Variants in TNR observed in about 807,000 individuals in gnomAD.
The protein encoded by TNR is tenascin R.
Under a neutral mutation model 150.4 loss-of-function variants are expected in TNR, and 45 were observed. The observed-to-expected ratio is 0.30, with a 90% CI of 0.24 to 0.38. The LOEUF (loss-of-function observed/expected upper bound fraction) is 0.38, where lower values mean the gene tolerates loss of function less well. Ranked by LOEUF, TNR falls within the 10% of genes least tolerant of loss-of-function variation. The pLI is 1.00. For missense variants in TNR, 1,544 were observed against 1,759.1 expected, an observed-to-expected ratio of 0.88 and a Z score of 2.19; for synonymous variants, 687 against 678.4, an observed-to-expected ratio of 1.01 and a Z score of -0.20.
intron 2 of TNR, among the ~76,000 whole-genome samples, chr1:175,444,913 G>C (rs1655969897): frequency 6.6e-6 from 1 of 152,192 alleles, no homozygotes; most frequent in South Asian, 2.1e-4. Flanking sequence ...CCCTGAGTGG[G>C]GAGCGAATCT....
At chr1:175,410,170 C>T (rs147182031) in intron 2 of TNR, among the ~76,000 whole-genome samples, 37 of 152,184 alleles carry the variant, frequency 2.4e-4, no homozygotes, top group African/African-American at 8.4e-4. Context: ...AGGCAGGGGC[C>T]GGCCTGGTGA....
chr1:175,701,960 C>T (rs990119879), intron 1 of TNR, among the ~76,000 whole-genome samples: 1 of 152,124 alleles, frequency 6.6e-6, no homozygotes, highest in East Asian at 1.9e-4. Context: ...ATTTGGCAGT[C>T]GATTTATAGT....
At chr1:175,361,921 T>C (rs1651608333) in intron 14 of TNR, among the ~76,000 whole-genome samples, 2 of 152,222 alleles carry the variant, frequency 1.3e-5, no homozygotes, top group Non-Finnish European at 2.9e-5. Context: ...TCAGCCCCAT[T>C]GCGTGGGCTT....
rs1648969134 is a variant in TNR at position 175,320,305 on chromosome 1, TG to T, written c.*3051del. On this transcript the variant is annotated 3_prime_UTR_variant, in exon 23 of 23. Transcript: ENST00000367674. ...ATTGAGTCAAGTTGACCATAGACCT[TG>T]GGATGAGAGTGGGGCACAGTGTCTT... The T allele has an allele frequency of 6.6e-6, 1 of 152,238 alleles. No individual in the cohort carries two copies. Among genetic ancestry groups the T allele is most frequent in the Non-Finnish European group, 1.5e-5 (1 of 68,022 alleles). The allele number at this position is 152,238 out of a possible 1,614,324, so 9.4% of individuals were successfully genotyped here. A position where few individuals can be genotyped will look rare whatever the true frequency, so the allele number is the denominator to read the frequency against.
At chr1:175,641,068 A>G (rs1571704283) in intron 1 of TNR, among the ~76,000 whole-genome samples, 1 of 152,208 alleles carries the variant, frequency 6.6e-6, no homozygotes, top group East Asian at 1.9e-4. Context: ...TACCTCGATA[A>G]TAAAAGAACT....
intron 2 of TNR, among the ~76,000 whole-genome samples, chr1:175,490,011 G>A (rs1279147014): frequency 6.6e-6 from 1 of 152,030 alleles, no homozygotes; most frequent in Non-Finnish European, 1.5e-5. Flanking sequence ...GCATGCTATT[G>A]GTACAAAAAC....
intron 3 of TNR, among the ~76,000 whole-genome samples, chr1:175,404,229 G>A (rs1051591971): frequency 2.6e-5 from 4 of 152,140 alleles, no homozygotes; most frequent in Non-Finnish European, 4.4e-5. Context: ...ATTTTGTGAG[G>A]GACCTAAGGA....
intron 1 of TNR, among the ~76,000 whole-genome samples, chr1:175,688,266 C>T (rs1309872421): frequency 3.9e-5 from 6 of 152,234 alleles, no homozygotes; most frequent in African/African-American, 9.6e-5. Flanking sequence ...CTATCTACAG[C>T]TCCTGTGCTT....
At chr1:175,704,382 G>A (rs1234487938) in intron 1 of TNR, among the ~76,000 whole-genome samples, 1 of 152,200 alleles carries the variant, frequency 6.6e-6, no homozygotes, top group Non-Finnish European at 1.5e-5. Context: ...ATTTGGATCT[G>A]GAAAGCTTGG....
intron 1 of TNR, among the ~76,000 whole-genome samples, chr1:175,622,665 T>C (rs894448217): frequency 6.6e-6 from 1 of 152,220 alleles, no homozygotes; most frequent in Admixed American, 6.5e-5. Flanking sequence ...TATTGGTTTC[T>C]TAAGGTTGTA....
intron 1 of TNR, among the ~76,000 whole-genome samples, chr1:175,645,328 A>G (rs1381912836): frequency 1.3e-5 from 2 of 152,340 alleles, no homozygotes; most frequent in East Asian, 1.9e-4. Context: ...ATTTAGGGAT[A>G]TATAGTTGAT....
intron 1 of TNR, among the ~76,000 whole-genome samples, chr1:175,616,301 C>A (rs1663772129): frequency 6.6e-6 from 1 of 152,176 alleles, no homozygotes; most frequent in South Asian, 2.1e-4. Flanking sequence ...TCTGGGATGT[C>A]CCCCACCTGC....
intron 2 of TNR, among the ~76,000 whole-genome samples, chr1:175,461,265 C>A (rs1365493897): frequency 6.6e-6 from 1 of 152,200 alleles, no homozygotes; most frequent in Non-Finnish European, 1.5e-5. Context: ...CAGCTGGTGG[C>A]TGCAATTTAC....
chr1:175,738,003 T>A (rs1667821981), intron 1 of TNR, among the ~76,000 whole-genome samples: 1 of 152,216 alleles, frequency 6.6e-6, no homozygotes, highest in South Asian at 2.1e-4. Context: ...TTGTTTAGCA[T>A]CCATGCTCAC....
chr1:175,426,941 T>TTA lies in TNR; in HGVS notation c.-63-20166_-63-20165dup, dbSNP rs1447489633. ...AAAATATAAATATATATAAAATATA[T>TTA]TATATATATATTATATATAAAATAT... On this transcript the variant is annotated intron_variant, in intron 2 of 22. Coordinates refer to ENST00000367674, the MANE Select transcript of TNR (RefSeq NM_003285.3). 4.7e-5 allele frequency among the ~76,000 whole-genome samples: 4 copies of TTA among 85,746 alleles called. 1 individual carries two copies. Among genetic ancestry groups the TTA allele is most frequent in the Non-Finnish European group, 9.4e-5 (4 of 42,678 alleles). The allele number at this position is 85,746 out of a possible 152,430, so 56.3% of individuals were successfully genotyped here.
intron 2 of TNR, among the ~76,000 whole-genome samples, chr1:175,431,913 C>CTCTCTCTCTCTCTCTCCT (rs1557930348): frequency 1.6e-4 from 24 of 149,552 alleles, no homozygotes; most frequent in African/African-American, 5.4e-4. Context: ...ACCATAATAT[C>CTCTCTCTCTCTCTCTCCT]TCTCTCTCTC....
chr1:175,622,391 C>G (rs1418969835), intron 1 of TNR, among the ~76,000 whole-genome samples: 1 of 152,138 alleles, frequency 6.6e-6, no homozygotes, highest in Admixed American at 6.5e-5. Flanking sequence ...GTGACCTGGT[C>G]CCTCCTTCTT....
At chr1:175,525,458 G>T (rs973018442) in intron 2 of TNR, among the ~76,000 whole-genome samples, 2 of 152,110 alleles carry the variant, frequency 1.3e-5, no homozygotes, top group African/African-American at 4.8e-5. Context: ...GTTTTACCAC[G>T]CAGGAAAGCA....
At chr1:175,546,205 T>C (rs1470366415) in intron 1 of TNR, among the ~76,000 whole-genome samples, 3 of 152,182 alleles carry the variant, frequency 2.0e-5, no homozygotes, top group Non-Finnish European at 4.4e-5. Context: ...CTTGTGCTCA[T>C]GATGTGCCCA....
Sources: allele counts gnomAD v4.1 joint callset (sites outside exome capture counted in the v4.1 genomes callset), GRCh38; gene constraint gnomAD v4.1.1; transcripts MANE v1.5; gene names NCBI Gene and HGNC (gene_info 2026-07-23, HGNC 2026-07-21).